The following CHRNA7 variants were observed in gnomAD, a reference collection of about 807,000 sequenced individuals.
The protein encoded by CHRNA7 is cholinergic receptor nicotinic alpha 7 subunit, also known as neuronal acetylcholine receptor subunit alpha-7.
In CHRNA7, 17 loss-of-function variants were observed where a neutral mutation model predicts 48.0. The ratio of observed to expected loss-of-function variants is 0.35; its 90% confidence interval spans 0.24 to 0.53. CHRNA7 has a LOEUF of 0.53. Ranked by LOEUF, CHRNA7 falls within the 20% of genes least tolerant of loss-of-function variation. The pLI, the probability that CHRNA7 is intolerant of heterozygous loss-of-function variation, is 0.92. For missense variants in CHRNA7, 155 were observed against 577.7 expected, an observed-to-expected ratio of 0.27 and a Z score of 7.50; for synonymous variants, 75 against 242.3, an observed-to-expected ratio of 0.31 and a Z score of 6.41.
intron 4 of CHRNA7, among the ~76,000 whole-genome samples, chr15:32,134,941 T>C (rs1238187708): frequency 6.6e-6 from 1 of 152,270 alleles, no homozygotes; most frequent in African/African-American, 2.4e-5. Flanking sequence ...TAGGAAAGAA[T>C]GATTTACGGT....
At chr15:32,050,580 C>T (rs1283667887) in intron 2 of CHRNA7, among the ~76,000 whole-genome samples, 2 of 152,100 alleles carry the variant, frequency 1.3e-5, no homozygotes, top group African/African-American at 2.4e-5. Context: ...ACTTCTTTGC[C>T]TTTGGTTTGA....
chr15:32,150,874 C>G (rs761921926), intron 4 of CHRNA7, among the ~76,000 whole-genome samples: 2 of 151,936 alleles, frequency 1.3e-5, no homozygotes, highest in Admixed American at 6.6e-5. Flanking sequence ...ATACAGACTA[C>G]GGTCAAGCAA....
intron 3 of CHRNA7, among the ~76,000 whole-genome samples, chr15:32,104,760 G>C (rs1218702974): frequency 6.6e-6 from 1 of 152,226 alleles, no homozygotes; most frequent in East Asian, 1.9e-4. Context: ...TGGCCGTGCA[G>C]CACTTTCGTA....
At chr15:32,114,091 C>CAT (rs1566849110) in intron 4 of CHRNA7, among the ~76,000 whole-genome samples, 49 of 106,480 alleles carry the variant, frequency 4.6e-4, no homozygotes, top group Non-Finnish European at 7.7e-4. Flanking sequence ...TACATACATA[C>CAT]ACACACACAT....
intron 4 of CHRNA7, among the ~76,000 whole-genome samples, chr15:32,138,764 T>TTTTGTTTTGC (rs1332803566): frequency 5.4e-4 from 82 of 152,022 alleles, no homozygotes; most frequent in African/African-American, 1.9e-3. Flanking sequence ...TTTTGTTTTG[T>TTTTGTTTTGC]TTTGTTTGAG....
chr15:32,107,650 G>A (rs905998859), intron 3 of CHRNA7, among the ~76,000 whole-genome samples: 3 of 152,140 alleles, frequency 2.0e-5, no homozygotes, highest in Non-Finnish European at 4.4e-5. Flanking sequence ...AGGACGCAGC[G>A]GACAGGGCGT....
At chr15:32,072,972 T>C (rs2050081483) in intron 2 of CHRNA7, among the ~76,000 whole-genome samples, 2 of 152,160 alleles carry the variant, frequency 1.3e-5, no homozygotes, top group East Asian at 1.9e-4. Flanking sequence ...AGCCCTCACA[T>C]GGAGTCCCCA....
intron 4 of CHRNA7, among the ~76,000 whole-genome samples, chr15:32,138,168 C>T (rs1026388896): frequency 1.3e-5 from 2 of 152,036 alleles, no homozygotes; most frequent in Non-Finnish European, 2.9e-5. Context: ...ATAAAATCAA[C>T]ATACCTCAGG....
rs2050808419 is a variant in CHRNA7, at chr15:32,114,022, A to ATATATATATATATATATATG, written c.350+2142_350+2143insGTATATATATATATATATAT. Among the ~76,000 whole-genome samples the ATATATATATATATATATATG allele has an allele frequency of 3.7e-4, 10 of 26,886 alleles. No homozygotes were observed. In the Admixed American group the frequency reaches 5.4e-3, roughly 15 times the overall value. 17.6% of individuals were successfully genotyped at this position (26,886 alleles called of 152,430 possible). On this transcript the variant is annotated intron_variant, in intron 4 of 9. Transcript: ENST00000306901. ...ACAGAGTGAGATGCTATCTCCAAAT[A>ATATATATATATATATATATG]TATATATATATATATATATATGTAT...
At chr15:32,038,583 G>C (rs989654786) in intron 2 of CHRNA7, among the ~76,000 whole-genome samples, 3 of 152,154 alleles carry the variant, frequency 2.0e-5, no homozygotes, top group South Asian at 2.1e-4. Context: ...TGCTCAGGCT[G>C]GTCTTGGACT....
chr15:32,075,411 A>G (rs1205453164), intron 2 of CHRNA7, among the ~76,000 whole-genome samples: 1 of 152,124 alleles, frequency 6.6e-6, no homozygotes, highest in Non-Finnish European at 1.5e-5. Context: ...TTTATTTTGT[A>G]TTAGGTGAGT....
chr15:32,153,374 A>G (rs2051672870), intron 4 of CHRNA7: 1 of 148,462 alleles, frequency 6.7e-6, no homozygotes, highest in Admixed American at 6.8e-5. Flanking sequence ...GTGAGCCGAG[A>G]TCATGCCACT....
chr15:32,032,032 G>T (rs1185613143), intron 2 of CHRNA7, among the ~76,000 whole-genome samples: 1 of 152,136 alleles, frequency 6.6e-6, no homozygotes, highest in African/African-American at 2.4e-5. Flanking sequence ...GTGGAAAAAG[G>T]TAAGAGGTGA....
chr15:32,031,016 C>T lies in CHRNA7; in HGVS notation c.174C>T (p.Ser58=). ...SQPLTVYFSL[S]LLQIMDVDEK... ...CACTCACCGTCTACTTCTCCCTGAG[C>T]CTCCTGCAGATCATGGACGTGGTGA... Residue 58 remains serine (S), a synonymous_variant, in exon 2 of 10, where the codon AGC becomes AGT. Coordinates refer to ENST00000306901, the MANE Select transcript of CHRNA7 (RefSeq NM_000746.6). 5 of 1,614,220 alleles carry T rather than the reference C, an allele frequency of 3.1e-6. No individual in the cohort carries two copies. Among genetic ancestry groups the T allele is most frequent in the South Asian group, 1.1e-5 (1 of 91,080 alleles).
At chr15:32,043,469 C>A (rs922077121) in intron 2 of CHRNA7, among the ~76,000 whole-genome samples, 1 of 151,704 alleles carries the variant, frequency 6.6e-6, no homozygotes, top group African/African-American at 2.4e-5. Flanking sequence ...GGATTAATTG[C>A]TCATTTTATA....
intron 2 of CHRNA7, among the ~76,000 whole-genome samples, chr15:32,035,685 C>A (rs982413584): frequency 6.6e-6 from 1 of 152,110 alleles, no homozygotes; most frequent in Non-Finnish European, 1.5e-5. Context: ...ACAACTCCAA[C>A]AAAATACTGT....
At chr15:32,078,680 G>C (rs1276572298) in intron 2 of CHRNA7, among the ~76,000 whole-genome samples, 2 of 92,932 alleles carry the variant, frequency 2.2e-5, no homozygotes, top group Admixed American at 1.0e-4. Context: ...AAAAAAAAAA[G>C]CCCAGGACCA....
intron 2 of CHRNA7, among the ~76,000 whole-genome samples, chr15:32,031,508 ATC>A (rs1901840184): frequency 1.3e-5 from 2 of 152,190 alleles, no homozygotes; most frequent in Admixed American, 6.5e-5. Context: ...TGGCGAATCT[ATC>A]CAGGCAGAGG....
chr15:32,101,188 T>A lies in CHRNA7; in HGVS notation c.196-115T>A. 9 of 1,101,750 alleles carry A rather than the reference T, an allele frequency of 8.2e-6. No individual in the cohort carries two copies. In the South Asian group the frequency reaches 1.3e-4, roughly 16 times the overall value. 68.2% of individuals were successfully genotyped at this position (1,101,750 alleles called of 1,614,324 possible). On this transcript the variant is annotated intron_variant, in intron 2 of 9. Coordinates refer to ENST00000306901, the MANE Select transcript of CHRNA7 (RefSeq NM_000746.6). ...TATATTGGAAGTGCTTGGTGCATTCTAATTTCCACACACAACAACGCTCTC... is the reference window on the plus strand; with the variant it reads ...TATATTGGAAGTGCTTGGTGCATTCAAATTTCCACACACAACAACGCTCTC...
Sources: gnomAD v4.1 joint callset for allele counts (sites outside exome capture counted in the v4.1 genomes callset) on GRCh38, gnomAD v4.1.1 for gene constraint, MANE v1.5 for transcripts, NCBI Gene and HGNC (gene_info 2026-07-23, HGNC 2026-07-21) for gene names.